The following ADAMTS14 variants were observed in gnomAD, a reference collection of about 807,000 sequenced individuals.
The protein encoded by ADAMTS14 is ADAM metallopeptidase with thrombospondin type 1 motif 14.
A neutral mutation model predicts 128.6 loss-of-function variants in ADAMTS14; 100 were observed. The observed-to-expected ratio is 0.78, with a 90% CI of 0.66 to 0.92. ADAMTS14 has a LOEUF of 0.92. Ranked by LOEUF, ADAMTS14 falls within the 40% of genes least tolerant of loss-of-function variation. ADAMTS14 has a pLI of 0.00. For synonymous variants in ADAMTS14, 665 were observed against 653.8 expected (o/e 1.02, Z -0.26); for missense variants, 1,562 against 1,658.6 (o/e 0.94, Z 1.01).
chr10:70,750,863 G>T (rs540542642), intron 16 of ADAMTS14, among the ~76,000 whole-genome samples: 1 of 152,188 alleles, frequency 6.6e-6, no homozygotes, highest in African/African-American at 2.4e-5. Flanking sequence ...ATAGATCAAA[G>T]ACCTAGATAT....
chr10:70,749,828 A>G lies in ADAMTS14; in HGVS notation c.2270A>G (p.Lys757Arg). ...CTCTCCCCCCACCGGTCAGTGGTGA[A>G]GAACCAGGTCACCGGCAGCTTCATC... ...LEKSPHRIVVKNQVTGSFILN... is the reference protein window; with the variant it reads ...LEKSPHRIVVRNQVTGSFILN... Residue 757 changes from lysine (K) to arginine (R), a missense_variant, in exon 16 of 22, where the codon AAG becomes AGG. Lys to Arg is a conservative substitution (Grantham distance 26). Transcript: ENST00000373207. 6.2e-7 allele frequency: 1 copy of G among 1,613,890 alleles called. No homozygotes were observed. Among genetic ancestry groups the G allele is most frequent in the Non-Finnish European group, 8.5e-7 (1 of 1,179,944 alleles).
At chr10:70,696,127 C>T (rs1330808776) in intron 2 of ADAMTS14, among the ~76,000 whole-genome samples, 1 of 152,068 alleles carries the variant, frequency 6.6e-6, no homozygotes, top group African/African-American at 2.4e-5. Flanking sequence ...GCGGGACACT[C>T]GAGTGTGCTT....
At position 70,730,218 on chromosome 10, in the gene ADAMTS14, G is replaced by A. The variant is rs752925252; in HGVS notation, c.1071G>A (p.Val357=). ...PSHAEHHDHV[V]FLTRQDFGPS... is the part of the protein sequence containing the mutation. Reference sequence around the variant, plus strand: ...ACGCTGAGCACCATGACCACGTTGTGTTCCTCACCCGGCAGGACTTTGGGC... The same window carrying A: ...ACGCTGAGCACCATGACCACGTTGTATTCCTCACCCGGCAGGACTTTGGGC... The change falls in exon 6 of 22, where the codon GTG becomes GTA. Residue 357 remains valine, a synonymous_variant. Coordinates refer to ENST00000373207, the MANE Select transcript of ADAMTS14 (RefSeq NM_080722.4). 2 of 1,614,132 alleles carry A rather than the reference G, an allele frequency of 1.2e-6. No individual in the cohort carries two copies. The highest frequency in any genetic ancestry group is 1.7e-6 in the Non-Finnish European group (2 of 1,180,004).
rs1345441084 is a variant in ADAMTS14, at chr10:70,738,822, T to G, written c.1600-20T>G. The G allele has an allele frequency of 6.2e-7, 1 of 1,613,684 alleles. No homozygotes were observed. The highest frequency in any genetic ancestry group is 1.3e-5 in the African/African-American group (1 of 75,048). On this transcript the variant is annotated intron_variant, in intron 10 of 21. Coordinates refer to ENST00000373207, the MANE Select transcript of ADAMTS14 (RefSeq NM_080722.4). ...GCAGCAGCAGCCCAGGGTGACCTCATGCCCTCTGCTCTGCCCCAGTGGTGC... is the reference window on the plus strand; with the variant it reads ...GCAGCAGCAGCCCAGGGTGACCTCAGGCCCTCTGCTCTGCCCCAGTGGTGC...
At chr10:70,747,344 C>T (rs1193489298) in intron 15 of ADAMTS14, among the ~76,000 whole-genome samples, 3 of 152,164 alleles carry the variant, frequency 2.0e-5, no homozygotes, top group Admixed American at 6.5e-5. Context: ...GCCCAGGTCT[C>T]CTGCCTCTCA....
chr10:70,672,950 G>A, intron 1 of ADAMTS14, 66 bp downstream of exon 1: 4 of 1,372,248 alleles, frequency 2.9e-6, no homozygotes, highest in Non-Finnish European at 1.9e-6. Flanking sequence ...GGTGGCCCAA[G>A]GTTGCCCCAG....
At chr10:70,675,343 CTTA>C (rs1426545722) in intron 2 of ADAMTS14, among the ~76,000 whole-genome samples, 1 of 152,130 alleles carries the variant, frequency 6.6e-6, no homozygotes. Context: ...GGTTCTTTCC[CTTA>C]TTTATTTTGC....
intron 8 of ADAMTS14, among the ~76,000 whole-genome samples, chr10:70,734,355 T>C (rs1458463177): frequency 2.6e-5 from 4 of 152,172 alleles, no homozygotes; most frequent in African/African-American, 9.7e-5. Context: ...CAGGTGATAC[T>C]TATGCCTGCT....
At chr10:70,681,484 C>T (rs1047910089) in intron 2 of ADAMTS14, among the ~76,000 whole-genome samples, 1 of 152,168 alleles carries the variant, frequency 6.6e-6, no homozygotes, top group African/African-American at 2.4e-5. Context: ...TGGCCTTACC[C>T]CTGGCATCAT....
At chr10:70,741,373 G>T (rs962246089) in intron 12 of ADAMTS14, among the ~76,000 whole-genome samples, 2 of 152,214 alleles carry the variant, frequency 1.3e-5, no homozygotes, top group African/African-American at 2.4e-5. Context: ...CCCCATCAAG[G>T]CCATCCCTGA....
At chr10:70,733,523 G>A (rs957590280) in intron 7 of ADAMTS14, among the ~76,000 whole-genome samples, 2 of 152,224 alleles carry the variant, frequency 1.3e-5, no homozygotes, top group African/African-American at 4.8e-5. Context: ...TGGTGGGATA[G>A]ATGGCTCCTG....
intron 19 of ADAMTS14, among the ~76,000 whole-genome samples, chr10:70,755,724 CTGT>C (rs1842465745): frequency 6.6e-6 from 1 of 152,176 alleles, no homozygotes; most frequent in African/African-American, 2.4e-5. Context: ...TGGCGTATGC[CTGT>C]AATCTCAGCT....
chr10:70,710,399 T>A (rs1266591462), intron 4 of ADAMTS14, among the ~76,000 whole-genome samples: 2 of 152,250 alleles, frequency 1.3e-5, no homozygotes, highest in Non-Finnish European at 2.9e-5. Flanking sequence ...GGGCCCTCAC[T>A]GGCCTTGATG....
At chr10:70,674,007 A>G (rs1839563650) in intron 1 of ADAMTS14, among the ~76,000 whole-genome samples, 1 of 152,134 alleles carries the variant, frequency 6.6e-6, no homozygotes, top group Non-Finnish European at 1.5e-5. Flanking sequence ...TTTCTTTCTA[A>G]CCTTGGAAAA....
At chr10:70,685,054 G>C (rs1020572479) in intron 2 of ADAMTS14, among the ~76,000 whole-genome samples, 1 of 152,260 alleles carries the variant, frequency 6.6e-6, no homozygotes, top group Non-Finnish European at 1.5e-5. Flanking sequence ...GCAAGGGCTG[G>C]TTTTATTTTT....
At chr10:70,749,640 C>T (rs1025047519) in intron 15 of ADAMTS14, among the ~76,000 whole-genome samples, 182 bp from the exon 16 acceptor site, 3 of 102,494 alleles carry the variant, frequency 2.9e-5, no homozygotes, top group South Asian at 2.8e-4. Flanking sequence ...TGTGTGTGCG[C>T]GCACGTGGGT....
At chr10:70,743,944 C>A in intron 13 of ADAMTS14, 122 bp from the exon 14 acceptor site, 1 of 1,356,556 alleles carries the variant, frequency 7.4e-7, no homozygotes. Flanking sequence ...AGAATCCTGT[C>A]CAGGGACATC....
Position 70,761,151 on chromosome 10 carries a change from T to G in ADAMTS14, c.*298T>G. 3.1e-6 allele frequency: 1 copy of G among 320,622 alleles called. No homozygotes were observed. The allele number at this position is 320,622 out of a possible 1,614,324, so 19.9% of individuals were successfully genotyped here. A position where few individuals can be genotyped will look rare whatever the true frequency, so the allele number is the denominator to read the frequency against. On this transcript the variant is annotated 3_prime_UTR_variant, in exon 22 of 22. Transcript: ENST00000373207. ...ACCAGGGTCAACTATTGCTCCCTCC[T>G]CACAGACCCTGGGCCTGGGCAGGTC... is the stretch of plus-strand genomic sequence containing the variant.
intron 4 of ADAMTS14, among the ~76,000 whole-genome samples, chr10:70,728,050 C>T (rs943465909): frequency 5.7e-4 from 86 of 151,156 alleles, no homozygotes; most frequent in Non-Finnish European, 9.9e-4. Context: ...GAGCCGAGAT[C>T]GCACCACTGC....
Sources: allele counts gnomAD v4.1 joint callset (sites outside exome capture counted in the v4.1 genomes callset), GRCh38; gene constraint gnomAD v4.1.1; transcripts MANE v1.5; gene names NCBI Gene and HGNC (gene_info 2026-07-23, HGNC 2026-07-21).